TEX36: variants seen among roughly 807,000 people sequenced by gnomAD.
TEX36 encodes the protein testis expressed 36.
Under a neutral mutation model 13.6 loss-of-function variants are expected in TEX36, and 12 were observed. The ratio of observed to expected loss-of-function variants is 0.88; its 90% CI spans 0.56 to 1.43. The LOEUF (loss-of-function observed/expected upper bound fraction) is 1.43. TEX36 is among the 40% of genes most tolerant of loss of function. The pLI is 0.00. For synonymous variants in TEX36, 93 were observed against 83.0 expected (o/e 1.12, Z -0.65); for missense variants, 224 against 228.3 (o/e 0.98, Z 0.12).
intron 3 of TEX36, among the ~76,000 whole-genome samples, chr10:125,632,612 G>A (rs970616959): frequency 6.6e-6 from 1 of 152,134 alleles, no homozygotes; most frequent in Non-Finnish European, 1.5e-5. Flanking sequence ...AAAAGTGATG[G>A]GAAATAAGAG....
chr10:125,584,537 C>T (rs577774736), intron 3 of TEX36, among the ~76,000 whole-genome samples: 9 of 152,318 alleles, frequency 5.9e-5, no homozygotes, highest in African/African-American at 1.4e-4. Context: ...CATCTGTTGA[C>T]GCCCTTACCA....
At chr10:125,676,434 C>T (rs1446579418) in intron 1 of TEX36, among the ~76,000 whole-genome samples, 3 of 152,042 alleles carry the variant, frequency 2.0e-5, no homozygotes, top group African/African-American at 4.8e-5. Context: ...TACTGTTGTG[C>T]ACTTTTGTTT....
At chr10:125,578,462 T>G (rs559728443) in intron 3 of TEX36, 1 of 152,316 alleles carries the variant, frequency 6.6e-6, no homozygotes, top group East Asian at 1.9e-4. Context: ...TTTCAGTCAT[T>G]CTTTGACTTG....
At chr10:125,675,939 T>G (rs887914907) in intron 1 of TEX36, among the ~76,000 whole-genome samples, 1 of 152,260 alleles carries the variant, frequency 6.6e-6, no homozygotes, top group Non-Finnish European at 1.5e-5. Flanking sequence ...AAGTTCCTCC[T>G]GGTATTGATT....
intron 3 of TEX36, among the ~76,000 whole-genome samples, chr10:125,623,137 A>T (rs527760531): frequency 6.6e-6 from 1 of 152,298 alleles, no homozygotes; most frequent in South Asian, 2.1e-4. Context: ...CCTTCTGGAG[A>T]ACTTTGCCCC....
intron 3 of TEX36, among the ~76,000 whole-genome samples, chr10:125,650,491 T>G (rs1008971317): frequency 2.6e-5 from 4 of 152,148 alleles, no homozygotes; most frequent in Non-Finnish European, 2.9e-5. Flanking sequence ...GGGACCCATT[T>G]AAAGCAGTGT....
intron 2 of TEX36, 113 bp from the exon 3 acceptor site, chr10:125,661,214 A>G (rs1354884595): frequency 1.2e-6 from 1 of 815,806 alleles, no homozygotes; most frequent in Non-Finnish European, 2.1e-6. Flanking sequence ...CCTCTAAGAA[A>G]GACAATGAAA....
chr10:125,626,635 C>T (rs1171548311), intron 3 of TEX36, among the ~76,000 whole-genome samples: 2 of 152,080 alleles, frequency 1.3e-5, no homozygotes, highest in Admixed American at 1.3e-4. Context: ...GGCATTAAAG[C>T]CATGATGGAG....
At chr10:125,614,608 T>C (rs920960358) in intron 3 of TEX36, among the ~76,000 whole-genome samples, 36 of 152,168 alleles carry the variant, frequency 2.4e-4, no homozygotes, top group African/African-American at 8.2e-4. Context: ...GCAGCGTTAT[T>C]TCTGAGGGCT....
At chr10:125,675,244 C>G (rs906651384) in intron 1 of TEX36, among the ~76,000 whole-genome samples, 1 of 152,176 alleles carries the variant, frequency 6.6e-6, no homozygotes, top group Non-Finnish European at 1.5e-5. Flanking sequence ...CCTCCTGGGT[C>G]CACATGGTCC....
At chr10:125,596,309 A>C (rs974274256) in intron 3 of TEX36, among the ~76,000 whole-genome samples, 2 of 152,238 alleles carry the variant, frequency 1.3e-5, no homozygotes, top group Admixed American at 6.5e-5. Context: ...GAAGAAGGTC[A>C]GAGTCAGAGA....
Position 125,580,754 on chromosome 10 carries a change from G to T in TEX36, c.265-3880C>A, listed in dbSNP as rs138943992. Among the ~76,000 whole-genome samples, 87 of 152,206 alleles carry T rather than the reference G, an allele frequency of 5.7e-4. 1 individual carries two copies. In the East Asian group the frequency reaches 0.016, roughly 28 times the overall value. ...TTACAGGCCCCATCCCTCTGACCAG[G>T]GGTAGGGAAATGACCCATCCCGGCC... is the stretch of plus-strand genomic sequence containing the variant. On this transcript the variant is annotated intron_variant, in intron 3 of 3. Transcript: ENST00000532135.
intron 3 of TEX36, among the ~76,000 whole-genome samples, chr10:125,614,236 G>C (rs1846328045): frequency 6.6e-6 from 1 of 152,174 alleles, no homozygotes; most frequent in Non-Finnish European, 1.5e-5. Flanking sequence ...TAGGTTGCCT[G>C]TTCCCTCTGA....
In TEX36 at chr10:125,633,504, A is replaced by T. The variant is rs1565179462; in HGVS notation, c.265-11859T>A. ...TGTAAAACCTATATAGCAGGAGAAAATGTAGAAAACAGAGGGAAAACGATT... is the reference window on the plus strand; with the variant it reads ...TGTAAAACCTATATAGCAGGAGAAATTGTAGAAAACAGAGGGAAAACGATT... On this transcript the variant is annotated intron_variant, in intron 3 of 3. Coordinates refer to the TEX36 transcript ENST00000526819. Among the ~76,000 whole-genome samples, 3 of 152,218 alleles carry T rather than the reference A, an allele frequency of 2.0e-5. No homozygotes were observed. In the South Asian group the frequency reaches 6.2e-4, roughly 32 times the overall value.
At chr10:125,592,831 C>T (rs1195232512) in intron 3 of TEX36, among the ~76,000 whole-genome samples, 1 of 152,052 alleles carries the variant, frequency 6.6e-6, no homozygotes, top group Non-Finnish European at 1.5e-5. Flanking sequence ...TTAGGCTCAC[C>T]CATTTCTTAT....
intron 1 of TEX36, chr10:125,667,553 T>C (rs1253211062): frequency 1.4e-6 from 1 of 738,056 alleles, no homozygotes; most frequent in Non-Finnish European, 2.6e-6. Context: ...GGCACAGCAC[T>C]CAGACAGCCC....
chr10:125,682,707 C>T (rs752004331), intron 1 of TEX36, among the ~76,000 whole-genome samples: 1 of 152,186 alleles, frequency 6.6e-6, no homozygotes, highest in Non-Finnish European at 1.5e-5. Context: ...GCTTAGTGGA[C>T]ATTCACGAGG....
chr10:125,655,339 G>C (rs569812970), downstream of TEX36, among the ~76,000 whole-genome samples: 2 of 152,260 alleles, frequency 1.3e-5, no homozygotes, highest in East Asian at 3.9e-4. Flanking sequence ...CAGCTACCGG[G>C]AAGGCTGAGG....
At chr10:125,660,991 T>G in intron 3 of TEX36, 30 bp downstream of exon 3, 1 of 1,528,218 alleles carries the variant, frequency 6.5e-7, no homozygotes, top group Non-Finnish European at 8.9e-7. Flanking sequence ...TGTTCCCTGT[T>G]TTATTAATAA....
Sources: allele counts gnomAD v4.1 joint callset (sites outside exome capture counted in the v4.1 genomes callset), GRCh38; gene constraint gnomAD v4.1.1; transcripts MANE v1.5; gene names NCBI Gene and HGNC (gene_info 2026-07-23, HGNC 2026-07-21).